LRP2: variants seen among roughly 807,000 people sequenced by gnomAD.
LRP2 encodes LDL receptor related protein 2.
LRP2 carries 172 observed loss-of-function variants against 531.0 expected under a neutral mutation model. The ratio of observed to expected loss-of-function variants is 0.32; its 90% CI spans 0.29 to 0.37. The LOEUF (loss-of-function observed/expected upper bound fraction) is 0.37. Among genes scored for constraint, LRP2 ranks in the 10% least tolerant of loss-of-function variants. The pLI is 1.00. For synonymous variants in LRP2, 1,992 were observed against 2,027.6 expected (o/e 0.98, Z 0.47); for missense variants, 5,167 against 5,868.3 (o/e 0.88, Z 3.90).
chr2:169,191,730 T>C (rs1364372674), intron 48 of LRP2, 102 bp downstream of exon 48: 9 of 914,730 alleles, frequency 9.8e-6, no homozygotes, highest in Non-Finnish European at 1.6e-5. Flanking sequence ...AAAAGCATCA[T>C]GGGCCCTGGG....
In LRP2 at chr2:169,205,597, C is replaced by T; in HGVS notation, c.7597G>A (p.Glu2533Lys). The part of the protein sequence containing the change: ...WADWDTHAKI[E>K]RATLGGNFRV... ...AAGTTTCCTCCCAATGTGGCTCTCT[C>T]GATTTTGGCATGTGTATCCCAGTCA... is the stretch of plus-strand genomic sequence containing the variant. The change falls in exon 41 of 79, where the codon GAG (glutamate) becomes AAG (lysine). Residue 2533 changes from glutamate to lysine, a missense_variant. This residue lies in a region of LRP2 where 1,129 missense variants were observed against 1,362.7 expected (regional missense o/e 0.83). Coordinates refer to ENST00000649046, the MANE Select transcript of LRP2 (RefSeq NM_004525.3). 1.2e-6 allele frequency: 2 copies of T among 1,613,628 alleles called. No individual in the cohort carries two copies. The highest frequency in any genetic ancestry group is 8.5e-7 in the Non-Finnish European group (1 of 1,179,942).
intron 1 of LRP2, among the ~76,000 whole-genome samples, chr2:169,347,709 A>G (rs1685732330): frequency 1.3e-5 from 2 of 152,066 alleles, no homozygotes; most frequent in African/African-American, 4.8e-5. Flanking sequence ...GTGGAAATAT[A>G]CTCTGTTCAA....
chr2:169,190,586 T>A (rs1026847551), intron 48 of LRP2, among the ~76,000 whole-genome samples: 10 of 152,210 alleles, frequency 6.6e-5, no homozygotes, highest in African/African-American at 2.4e-4. Context: ...TCTCTGATCT[T>A]GTGCCTACTT....
At chr2:169,352,972 T>C (rs1399158265) in intron 1 of LRP2, among the ~76,000 whole-genome samples, 2 of 152,170 alleles carry the variant, frequency 1.3e-5, no homozygotes, top group South Asian at 4.1e-4. Flanking sequence ...CAAACCACCA[T>C]GGCACATGTA....
chr2:169,262,905 C>T (rs1253783690), intron 16 of LRP2, among the ~76,000 whole-genome samples: 3 of 152,048 alleles, frequency 2.0e-5, no homozygotes, highest in South Asian at 2.1e-4. Context: ...CAGATATAGA[C>T]CAATGGAACA....
At chr2:169,162,442 A>C in intron 63 of LRP2, 30 bp downstream of exon 63, 1 of 1,613,322 alleles carries the variant, frequency 6.2e-7, no homozygotes, top group Non-Finnish European at 8.5e-7. Flanking sequence ...GAGTTACTAC[A>C]ATGAACTATA....
intron 71 of LRP2, among the ~76,000 whole-genome samples, chr2:169,141,688 G>A (rs1437449861): frequency 1.3e-5 from 2 of 152,204 alleles, no homozygotes; most frequent in Non-Finnish European, 2.9e-5. Context: ...CTGCTCCCAC[G>A]ATGTGAAATT....
intron 1 of LRP2, among the ~76,000 whole-genome samples, chr2:169,338,277 A>G (rs1685461149): frequency 7.6e-6 from 1 of 130,862 alleles, no homozygotes; most frequent in East Asian, 2.2e-4. Context: ...AAGAAAGAGA[A>G]AGAAAGAAAG....
Position 169,279,430 on chromosome 2 carries a change from T to C in LRP2, c.1507A>G (p.Thr503Ala). The change falls in exon 12 of 79, where the codon ACC becomes GCC. Residue 503 changes from threonine to alanine, a missense_variant. By Grantham distance (58) the Thr-to-Ala change is moderately conservative. Coordinates refer to ENST00000649046, the MANE Select transcript of LRP2 (RefSeq NM_004525.3). ...TGCCCCAAGTTTTCAGTTATAAGGG[T>C]AACCCGATAGCTTCCATCCAAATTT... ...MVNLDGSYRV[T>A]LITENLGHPR... 1 of 1,614,104 alleles carries C rather than the reference T, an allele frequency of 6.2e-7. No homozygotes were observed. The highest frequency in any genetic ancestry group is 8.5e-7 in the Non-Finnish European group (1 of 1,180,012).
At chr2:169,195,177 A>C (rs1216745754) in intron 46 of LRP2, among the ~76,000 whole-genome samples, 1 of 152,218 alleles carries the variant, frequency 6.6e-6, no homozygotes, top group Non-Finnish European at 1.5e-5. Flanking sequence ...TAGGAAAAGG[A>C]TAAAAATACA....
chr2:169,287,843 T>A (rs1039322123), intron 9 of LRP2, among the ~76,000 whole-genome samples: 16 of 90,118 alleles, frequency 1.8e-4, no homozygotes, highest in Non-Finnish European at 7.4e-5. Context: ...ATATTAAAAT[T>A]TTAATATTTT....
intron 46 of LRP2, among the ~76,000 whole-genome samples, chr2:169,196,643 G>T (rs1559009491): frequency 6.6e-6 from 1 of 152,198 alleles, no homozygotes; most frequent in Non-Finnish European, 1.5e-5. Context: ...TACCAGCTAA[G>T]CACTGTATTA....
intron 29 of LRP2, among the ~76,000 whole-genome samples, chr2:169,233,976 A>G (rs1574161430): frequency 6.6e-6 from 1 of 151,970 alleles, no homozygotes; most frequent in African/African-American, 2.4e-5. Context: ...CCCAGCCTTC[A>G]CTCCACCATC....
chr2:169,139,337 G>T lies in LRP2; in HGVS notation c.13302C>A (p.Ile4434=). ...AVAVLLTILL[I]VVIGALAIAG... ...CAATTGCCAGAGCTCCAATTACGAC[G>T]ATCAAGAGGATTGTCAACAGCACAG... The change falls in exon 74 of 79, where the codon ATC becomes ATA. Residue 4434 remains isoleucine (I), a synonymous_variant. Coordinates refer to ENST00000649046, the MANE Select transcript of LRP2 (RefSeq NM_004525.3). 3 of 1,614,072 alleles carry T rather than the reference G, an allele frequency of 1.9e-6. No homozygotes were observed. Among genetic ancestry groups the T allele is most frequent in the South Asian group, 2.2e-5 (2 of 91,070 alleles).
rs775668825 is a variant in LRP2 at position 169,225,297 on chromosome 2, A to G, written c.5538+13T>C. ...ATCCAATGTTTGTGTAAGTAGTATTATGGAATCATTACCTCGATTGACTGA... is the reference window on the plus strand; with the variant it reads ...ATCCAATGTTTGTGTAAGTAGTATTGTGGAATCATTACCTCGATTGACTGA... On this transcript the variant is annotated intron_variant, in intron 33 of 78. Transcript: ENST00000649046. 4.3e-6 allele frequency: 7 copies of G among 1,612,420 alleles called. No homozygotes were observed. The highest frequency in any genetic ancestry group is 5.9e-6 in the Non-Finnish European group (7 of 1,178,718).
At position 169,362,335 on chromosome 2, in the gene LRP2, G is replaced by A. The variant is rs867254167; in HGVS notation, c.65C>T (p.Pro22Leu). 5.1e-6 allele frequency: 8 copies of A among 1,564,440 alleles called. No individual in the cohort carries two copies. The highest frequency in any genetic ancestry group is 6.9e-6 in the Non-Finnish European group (8 of 1,155,550). ...LLLALVACLA[P>L]ASGQECDSAH... Reference sequence around the variant, plus strand: ...TGGGCTCTTACCTTGGCCACTGGCCGGCGCTAGGCAGGCGACGAGAGCCAG... The same window carrying A: ...TGGGCTCTTACCTTGGCCACTGGCCAGCGCTAGGCAGGCGACGAGAGCCAG... Residue 22 changes from proline (P) to leucine (L), a missense_variant, in exon 1 of 79, where the codon CCG (proline) becomes CTG (leucine). Coordinates refer to ENST00000649046, the MANE Select transcript of LRP2 (RefSeq NM_004525.3).
At position 169,244,926 on chromosome 2, in the gene LRP2, G is replaced by T; in HGVS notation, c.3197C>A (p.Thr1066Asn). 6.2e-7 allele frequency: 1 copy of T among 1,614,184 alleles called. No homozygotes were observed. The highest frequency in any genetic ancestry group is 8.5e-7 in the Non-Finnish European group (1 of 1,180,020). Residue 1066 changes from threonine to asparagine, a missense_variant, in exon 22 of 79, where the codon ACC becomes AAC. Coordinates refer to ENST00000649046, the MANE Select transcript of LRP2 (RefSeq NM_004525.3). ...DEQLCGTLNNTCSSSAFTCGH... is the reference protein window; with the variant it reads ...DEQLCGTLNNNCSSSAFTCGH... ...ACAGGTGAACGCCGAAGATGAACAG[G>T]TATTATCTACAATAGTAACAAACTG...
In LRP2 at chr2:169,204,245, G is replaced by A. The variant is rs372305097; in HGVS notation, c.7742C>T (p.Thr2581Met). 13 of 1,613,504 alleles carry A rather than the reference G, an allele frequency of 8.1e-6. No homozygotes were observed. The highest frequency in any genetic ancestry group is 6.7e-5 in the East Asian group (3 of 44,878). The change falls in exon 42 of 79, where the codon ACG becomes ATG. Residue 2581 changes from threonine to methionine, a missense_variant. By Grantham distance (81) the Thr-to-Met change is moderately conservative. Transcript: ENST00000649046. ...SLQRIERSTL[T>M]GVDREVIVNA... ...GACAATGACTTCACGATCCACGCCC[G>A]TCAGAGTGCTGCGTTCAATCCTCTG...
intron 4 of LRP2, among the ~76,000 whole-genome samples, chr2:169,306,305 G>A (rs1428596146): frequency 1.3e-5 from 2 of 151,996 alleles, no homozygotes; most frequent in Admixed American, 6.6e-5. Flanking sequence ...AGGCCGAGGC[G>A]GGTGGATCAC....
Sources: gnomAD v4.1 joint callset for allele counts (sites outside exome capture counted in the v4.1 genomes callset) on GRCh38, gnomAD v4.1.1 for gene constraint, gnomAD v4.1.1 regional missense constraint, MANE v1.5 for transcripts, NCBI Gene and HGNC (gene_info 2026-07-23, HGNC 2026-07-21) for gene names.